Variants in UCP1 observed in about 807,000 individuals in gnomAD.
The protein encoded by UCP1 is mitochondrial brown fat uncoupling protein 1.
Under a neutral mutation model 26.2 loss-of-function variants are expected in UCP1, and 24 were observed. That is an observed-to-expected ratio of 0.92 (90% CI 0.66 to 1.29). The LOEUF (loss-of-function observed/expected upper bound fraction) is 1.29. Ranked by LOEUF, UCP1 falls within the 50% of genes most tolerant of loss-of-function variation. The probability of loss-of-function intolerance (pLI) is 0.00; values close to 1 mark genes in which losing one functional copy is unlikely to be tolerated. For synonymous variants in UCP1, 164 were observed against 156.8 expected, an observed-to-expected ratio of 1.05 and a Z score of -0.34; for missense variants, 402 against 388.7, an observed-to-expected ratio of 1.03 and a Z score of -0.29.
At chr4:140,565,830 C>T (rs1430583) in intron 2 of UCP1, among the ~76,000 whole-genome samples, 30,496 of 152,048 alleles carry the variant, frequency 0.2, 3,185 homozygotes, top group Admixed American at 0.27. Context: ...TTTAATATAG[C>T]CACCATCTTG....
At chr4:140,561,309 G>T (rs1023461133) in intron 5 of UCP1, among the ~76,000 whole-genome samples, 1 of 151,882 alleles carries the variant, frequency 6.6e-6, no homozygotes, top group African/African-American at 2.4e-5. Flanking sequence ...TGTAATCCTT[G>T]TGGAATATAT....
chr4:140,567,286 C>T (rs1426384123), intron 2 of UCP1, among the ~76,000 whole-genome samples: 1 of 152,188 alleles, frequency 6.6e-6, no homozygotes, highest in Non-Finnish European at 1.5e-5. Flanking sequence ...GTCCTTTCAA[C>T]TCTCTTCACA....
intron 4 of UCP1, among the ~76,000 whole-genome samples, 191 bp from the exon 5 acceptor site, chr4:140,562,564 A>G (rs1013707409): frequency 2.0e-5 from 3 of 152,220 alleles, no homozygotes; most frequent in Admixed American, 1.3e-4. Flanking sequence ...TAGATTGTTA[A>G]CACTTTAGGA....
At chr4:140,560,322 AAAT>A (rs1362320304) in intron 5 of UCP1, among the ~76,000 whole-genome samples, 1 of 152,188 alleles carries the variant, frequency 6.6e-6, no homozygotes, top group African/African-American at 2.4e-5. Context: ...CCTCTGCTGA[AAAT>A]AAATTTTCCT....
At position 140,559,674 on chromosome 4, in the gene UCP1, T is replaced by C; in HGVS notation, c.*222A>G. 1.8e-6 allele frequency: 1 copy of C among 562,890 alleles called. No homozygotes were observed. The highest frequency in any genetic ancestry group is 3.1e-6 in the Non-Finnish European group (1 of 317,910). 34.9% of individuals were successfully genotyped at this position (562,890 alleles called of 1,614,324 possible). On this transcript the variant is annotated 3_prime_UTR_variant, in exon 6 of 6. Coordinates refer to ENST00000262999, the MANE Select transcript of UCP1 (RefSeq NM_021833.5). ...TATCTGCATTACATTTGCCAGGGTA[T>C]ATGCTGAATGTTTTGCTTTCCCCTT...
chr4:140,568,479 T>G (rs1358232895), intron 1 of UCP1, 125 bp downstream of exon 1: 5 of 1,502,876 alleles, frequency 3.3e-6, no homozygotes, highest in Non-Finnish European at 4.5e-6. Flanking sequence ...AAGGCCAGAC[T>G]GCTTTGGAAG....
At chr4:140,563,589 T>G in intron 2 of UCP1, 71 bp from the exon 3 acceptor site, 2 of 1,396,302 alleles carry the variant, frequency 1.4e-6, no homozygotes, top group Non-Finnish European at 2.0e-6. Flanking sequence ...TCTTTTTAAT[T>G]TTCAGTGGTT....
Position 140,563,530 on chromosome 4 carries a change from G to A in UCP1, c.326-12C>T. ...TAAACTAGGTGCTGCTATCCAGAGA[G>A]AAAAAAAATTATTAAGAAAAAAAAT... is the stretch of plus-strand genomic sequence containing the variant. On this transcript the variant is annotated splice_polypyrimidine_tract_variant and intron_variant, in intron 2 of 5. Coordinates refer to ENST00000262999, the MANE Select transcript of UCP1 (RefSeq NM_021833.5). 6.2e-7 allele frequency: 1 copy of A among 1,605,148 alleles called. No homozygotes were observed. The highest frequency in any genetic ancestry group is 1.1e-5 in the South Asian group (1 of 89,406).
At position 140,562,117 on chromosome 4, in the gene UCP1, G is replaced by A. The variant is rs147980705; in HGVS notation, c.809+76C>T. The A allele has an allele frequency of 1.3e-4, 197 of 1,524,180 alleles. No homozygotes were observed. The African/African-American group carries it at 1.5e-3, about 12-fold the overall frequency. 94.4% of individuals were successfully genotyped at this position (1,524,180 alleles called of 1,614,324 possible). On this transcript the variant is annotated intron_variant, in intron 5 of 5. Coordinates refer to ENST00000262999, the MANE Select transcript of UCP1 (RefSeq NM_021833.5). ...TACTAAGGCTTGTAAGCTAAATGTCGGTTGCTTGACATGAGAGTGTCCCAA... is the reference window on the plus strand; with the variant it reads ...TACTAAGGCTTGTAAGCTAAATGTCAGTTGCTTGACATGAGAGTGTCCCAA...
rs114928132 is a variant in UCP1 at position 140,568,016 on chromosome 4, T to C, written c.127-39A>G. ...AGGTGCAGAACAGAAGGGAGCGAAA[T>C]TGAGTTCACTCTTAAGCCAAGATTT... On this transcript the variant is annotated intron_variant, in intron 1 of 5. Transcript: ENST00000262999. The C allele has an allele frequency of 1.2e-3, 1,856 of 1,609,284 alleles. 18 individuals carry two copies. In the African/African-American group the frequency reaches 0.021, roughly 18 times the overall value.
intron 2 of UCP1, among the ~76,000 whole-genome samples, chr4:140,566,987 T>G (rs920663541): frequency 6.6e-6 from 1 of 152,206 alleles, no homozygotes; most frequent in African/African-American, 2.4e-5. Context: ...GGGCAAGTGA[T>G]GAATCTGCTC....
chr4:140,566,472 G>A (rs1441996592), intron 2 of UCP1, among the ~76,000 whole-genome samples: 1 of 152,164 alleles, frequency 6.6e-6, no homozygotes, highest in East Asian at 1.9e-4. Flanking sequence ...TGAACGGGCA[G>A]CTTTACCTCC....
intron 5 of UCP1, among the ~76,000 whole-genome samples, chr4:140,560,412 C>G (rs1735650944): frequency 6.6e-6 from 1 of 152,152 alleles, no homozygotes; most frequent in Non-Finnish European, 1.5e-5. Context: ...ATCCTTCACT[C>G]CCAAAACATG....
intron 5 of UCP1, 38 bp downstream of exon 5, chr4:140,562,155 G>GC (rs1482221956): frequency 6.2e-7 from 1 of 1,612,148 alleles, no homozygotes; most frequent in Non-Finnish European, 8.5e-7. Flanking sequence ...CACACAGACA[G>GC]CCAGAACACA....
rs1000016299 is a variant in UCP1, at chr4:140,568,792, C to G, written c.-63G>C. The G allele has an allele frequency of 1.0e-5, 16 of 1,539,856 alleles. No homozygotes were observed. Among genetic ancestry groups the G allele is most frequent in the Non-Finnish European group, 1.4e-5 (16 of 1,148,032 alleles). ...CCAGCCCCGAAGGTGGAGGAAGTTC[C>G]TTTCCCTTGCTCTTCACGCCTGTCC... is the stretch of plus-strand genomic sequence containing the variant. On this transcript the variant is annotated 5_prime_UTR_variant, in exon 1 of 6. Coordinates refer to ENST00000262999, the MANE Select transcript of UCP1 (RefSeq NM_021833.5).
chr4:140,560,015 A>G lies in UCP1; in HGVS notation c.810-5T>C. On this transcript the variant is annotated splice_polypyrimidine_tract_variant and splice_region_variant and intron_variant, in intron 5 of 5. Transcript: ENST00000262999. The stretch of plus-strand genomic sequence containing the variant: ...CGCAAGAAGGAAGGTACCAACCTAG[A>G]AAAGTGCATGTCATCGTTCGATTAA... 6.2e-7 allele frequency: 1 copy of G among 1,609,864 alleles called. No individual in the cohort carries two copies. The highest frequency in any genetic ancestry group is 8.5e-7 in the Non-Finnish European group (1 of 1,176,200).
intron 5 of UCP1, among the ~76,000 whole-genome samples, chr4:140,560,827 C>A (rs1735662402): frequency 6.6e-6 from 1 of 152,030 alleles, no homozygotes; most frequent in Admixed American, 6.5e-5. Context: ...CACTATCCAT[C>A]TCTAGAACCT....
intron 5 of UCP1, among the ~76,000 whole-genome samples, chr4:140,561,636 G>A (rs1735679730): frequency 6.6e-6 from 1 of 152,168 alleles, no homozygotes; most frequent in South Asian, 2.1e-4. Flanking sequence ...ACCACGCCGA[G>A]CCCATACTAT....
Position 140,567,985 on chromosome 4 carries a change from TAAG to T in UCP1, c.127-11_127-9del. Reference sequence around the variant, plus strand: ...CGGGCATTCACCTTGGACCTGGAAATAAGAAAGGTGCAGAACAGAAGGGAGCGA... The same window carrying T: ...CGGGCATTCACCTTGGACCTGGAAATAAAGGTGCAGAACAGAAGGGAGCGA... On this transcript the variant is annotated splice_polypyrimidine_tract_variant and intron_variant, in intron 1 of 5. Coordinates refer to ENST00000262999, the MANE Select transcript of UCP1 (RefSeq NM_021833.5). 1 of 1,614,154 alleles carries T rather than the reference TAAG, an allele frequency of 6.2e-7. No individual in the cohort carries two copies. The highest frequency in any genetic ancestry group is 1.1e-5 in the South Asian group (1 of 91,080).
Sources: allele counts gnomAD v4.1 joint callset (sites outside exome capture counted in the v4.1 genomes callset), GRCh38; gene constraint gnomAD v4.1.1; transcripts MANE v1.5; gene names NCBI Gene and HGNC (gene_info 2026-07-23, HGNC 2026-07-21).